Variants in CSF1R observed in about 807,000 individuals in gnomAD.
CSF1R encodes colony stimulating factor 1 receptor.
CSF1R carries 40 observed loss-of-function variants against 110.0 expected under a neutral mutation model. The observed-to-expected ratio is 0.36, with a 90% confidence interval of 0.28 to 0.47. CSF1R has a LOEUF of 0.47. CSF1R is among the 20% of genes least tolerant of loss of function. The pLI is 0.99. For synonymous variants in CSF1R, 523 were observed against 503.4 expected (o/e 1.04, Z -0.52); for missense variants, 1,052 against 1,253.0 (o/e 0.84, Z 2.42).
Position 150,070,352 on chromosome 5 carries a change from C to T in CSF1R, c.1199-50G>A, listed in dbSNP as rs752904234. The T allele has an allele frequency of 4.4e-6, 7 of 1,601,702 alleles. No individual in the cohort carries two copies. The Admixed American group carries it at 6.7e-5, about 15-fold the overall frequency. On this transcript the variant is annotated intron_variant, in intron 7 of 20. Coordinates refer to ENST00000675795, the MANE Select transcript of CSF1R (RefSeq NM_001288705.3). ...AAGTCACACTTTCCCCGCCACCTCC[C>T]AATCTCCCAGTACCTACTTCCCTGT...
chr5:150,080,485 G>T, intron 2 of CSF1R, 149 bp from the exon 3 acceptor site: 2 of 1,150,742 alleles, frequency 1.7e-6, no homozygotes, highest in Non-Finnish European at 2.4e-6. Flanking sequence ...GCTTCAGCGT[G>T]GTGGCTCCAG....
upstream of CSF1R, among the ~76,000 whole-genome samples, chr5:150,091,332 G>A (rs1005248344): frequency 3.3e-5 from 5 of 152,128 alleles, no homozygotes; most frequent in African/African-American, 4.8e-5. Flanking sequence ...ATACATGCAC[G>A]CAAATATTCA....
Position 150,073,308 on chromosome 5 carries a change from T to A in CSF1R, c.1075A>T (p.Thr359Ser). 1.2e-6 allele frequency: 2 copies of A among 1,613,438 alleles called. No homozygotes were observed. The highest frequency in any genetic ancestry group is 1.7e-6 in the Non-Finnish European group (2 of 1,179,686). Reference protein sequence around the residue: ...PKLANATTKDTYRHTFTLSLP... With the variant: ...PKLANATTKDSYRHTFTLSLP... Reference sequence around the variant, plus strand: ...GGAGCTGATAAGTGGTACCTGTATGTGTCCTTGGTGGTAGCATTAGCAAGC... The same window carrying A: ...GGAGCTGATAAGTGGTACCTGTATGAGTCCTTGGTGGTAGCATTAGCAAGC... Residue 359 changes from threonine to serine, a missense_variant, in exon 6 of 21, where the codon ACA becomes TCA. By Grantham distance (58) the Thr-to-Ser change is moderately conservative. Around this residue, in one of 5 missense-constraint regions of CSF1R, gnomAD observed 693 missense variants for 735.4 expected, o/e 0.94. Transcript: ENST00000675795.
At chr5:150,078,089 C>T (rs763862269) in intron 4 of CSF1R, 23 bp downstream of exon 4, 2 of 1,613,472 alleles carry the variant, frequency 1.2e-6, no homozygotes, top group Admixed American at 1.7e-5. Flanking sequence ...CCAGACTTCA[C>T]CTTGTGATCT....
At chr5:150,069,791 G>C (rs921093138) in intron 9 of CSF1R, 82 bp downstream of exon 9, 12 of 1,272,912 alleles carry the variant, frequency 9.4e-6, no homozygotes, top group Non-Finnish European at 1.3e-5. Context: ...TCCCTCGGTG[G>C]GGGGTGGGGG....
chr5:150,081,073 C>A, intron 1 of CSF1R, 49 bp from the exon 2 acceptor site: 1 of 1,599,784 alleles, frequency 6.3e-7, no homozygotes. Context: ...AGGATGCGCC[C>A]CTTGGGCCGT....
At chr5:150,073,075 T>G (rs540666728) in intron 6 of CSF1R, among the ~76,000 whole-genome samples, 2 of 152,226 alleles carry the variant, frequency 1.3e-5, no homozygotes, top group South Asian at 2.1e-4. Context: ...GCATTGACTA[T>G]CCCAAGGATG....
chr5:150,055,643 C>T (rs549423029), intron 18 of CSF1R, among the ~76,000 whole-genome samples: 3 of 152,256 alleles, frequency 2.0e-5, no homozygotes, highest in South Asian at 2.1e-4. Context: ...ATAGGAGCAG[C>T]GTATTTAAGA....
chr5:150,061,342 A>C (rs566935683), intron 12 of CSF1R, 149 bp downstream of exon 12: 24 of 693,088 alleles, frequency 3.5e-5, no homozygotes, highest in Admixed American at 2.4e-4. Context: ...CCTGGAGCTC[A>C]CAAGAAAACC....
At chr5:150,074,554 C>A (rs1039799165) in intron 5 of CSF1R, among the ~76,000 whole-genome samples, 1 of 152,066 alleles carries the variant, frequency 6.6e-6, no homozygotes, top group African/African-American at 2.4e-5. Flanking sequence ...GGAATTGTGG[C>A]AAGAACCCCA....
Position 150,070,803 on chromosome 5 carries a change from G to T in CSF1R, c.1083-232C>A, listed in dbSNP as rs533144423. Among the ~76,000 whole-genome samples, 7 of 152,264 alleles carry T rather than the reference G, an allele frequency of 4.6e-5. No homozygotes were observed. In the South Asian group the frequency reaches 1.4e-3, roughly 32 times the overall value. ...TATCTGAAAGTGTTTTTTTCCCGAG[G>T]TTTAATAGAGGTGATGTCTTCAAGG... On this transcript the variant is annotated intron_variant, in intron 6 of 20. Coordinates refer to ENST00000675795, the MANE Select transcript of CSF1R (RefSeq NM_001288705.3).
chr5:150,074,147 G>A (rs1244277450), intron 5 of CSF1R, among the ~76,000 whole-genome samples: 1 of 152,160 alleles, frequency 6.6e-6, no homozygotes, highest in Non-Finnish European at 1.5e-5. Flanking sequence ...GCTGAGAGTT[G>A]GGGAGTCATA....
At chr5:150,056,696 C>T (rs556663691) in intron 16 of CSF1R, among the ~76,000 whole-genome samples, 8 of 152,332 alleles carry the variant, frequency 5.3e-5, no homozygotes, top group African/African-American at 1.7e-4. Flanking sequence ...TGCTATCTGC[C>T]AGGCCCTTCC....
intron 5 of CSF1R, among the ~76,000 whole-genome samples, chr5:150,076,345 T>C (rs1265598347): frequency 6.8e-6 from 1 of 146,530 alleles, no homozygotes; most frequent in Non-Finnish European, 1.5e-5. Flanking sequence ...TATCTATCTA[T>C]CTATCTATCT....
chr5:150,078,141 CA>C lies in CSF1R; in HGVS notation c.699del (p.Phe233LeufsTer29). 1 of 1,614,094 alleles carries C rather than the reference CA, an allele frequency of 6.2e-7. No individual in the cohort carries two copies. The highest frequency in any genetic ancestry group is 8.5e-7 in the Non-Finnish European group (1 of 1,180,010). ...GTGTTGTTGTGTTGGAGGAAGACAT[CA>C]AAGTTAACATCAACGCTGCTGGCTG... is the stretch of plus-strand genomic sequence containing the variant. The part of the protein sequence containing the change: ...VCSASSVDVN[F>X]DVFLQHNNTK... On this transcript the variant is annotated frameshift_variant, in exon 4 of 21. Transcript: ENST00000675795. LOFTEE classifies it high-confidence loss of function.
chr5:150,078,264 A>G lies in CSF1R; in HGVS notation c.593-16T>C. On this transcript the variant is annotated splice_polypyrimidine_tract_variant and intron_variant, in intron 3 of 20. Coordinates refer to ENST00000675795, the MANE Select transcript of CSF1R (RefSeq NM_001288705.3). ...CCTGGGATGACTGAGACCGGGGGAGAGACCCCTGAACACCCAGGCTCCCTG... is the reference window on the plus strand; with the variant it reads ...CCTGGGATGACTGAGACCGGGGGAGGGACCCCTGAACACCCAGGCTCCCTG... The G allele has an allele frequency of 6.2e-7, 1 of 1,613,686 alleles. No individual in the cohort carries two copies. The highest frequency in any genetic ancestry group is 8.5e-7 in the Non-Finnish European group (1 of 1,179,840).
intron 12 of CSF1R, 49 bp downstream of exon 12, chr5:150,061,442 C>CGCCGGG: frequency 1.1e-6 from 1 of 909,954 alleles, no homozygotes; most frequent in Non-Finnish European, 1.6e-6. Context: ...AGCCCACCCC[C>CGCCGGG]AGCATCTACC....
chr5:150,070,451 C>A lies in CSF1R; in HGVS notation c.1198+5G>T. 1 of 1,554,556 alleles carries A rather than the reference C, an allele frequency of 6.4e-7. No homozygotes were observed. Among genetic ancestry groups the A allele is most frequent in the South Asian group, 1.2e-5 (1 of 82,498 alleles). ...CCCCAGGTGGCGCTCGGCCCCAGCA[C>A]TCACATCGAAGGGTGAGCTCAAACG... On this transcript the variant is annotated splice_donor_5th_base_variant and intron_variant, in intron 7 of 20. Coordinates refer to ENST00000675795, the MANE Select transcript of CSF1R (RefSeq NM_001288705.3).
At chr5:150,106,182 G>T (rs1759552237) in intron 1 of CSF1R, among the ~76,000 whole-genome samples, 1 of 152,238 alleles carries the variant, frequency 6.6e-6, no homozygotes, top group Non-Finnish European at 1.5e-5. Context: ...GGAAGCCTTG[G>T]TGATGCTGCC....
Sources: allele counts gnomAD v4.1 joint callset (sites outside exome capture counted in the v4.1 genomes callset), GRCh38; gene constraint gnomAD v4.1.1; regional missense constraint gnomAD v4.1.1; transcripts MANE v1.5; gene names NCBI Gene and HGNC (gene_info 2026-07-23, HGNC 2026-07-21).